The following DNAH5 variants were observed in gnomAD, a reference collection of about 807,000 sequenced individuals.
DNAH5 encodes the protein axonemal beta dynein heavy chain 5.
A neutral mutation model predicts 518.2 loss-of-function variants in DNAH5; 372 were observed. That is an observed-to-expected ratio of 0.72 (90% CI 0.66 to 0.78). DNAH5 has a LOEUF of 0.78. Among genes scored for constraint, DNAH5 ranks in the 30% least tolerant of loss-of-function variants. The pLI, the probability that DNAH5 is intolerant of heterozygous loss-of-function variation, is 0.00. For missense variants in DNAH5, 5,523 were observed against 5,687.0 expected (o/e 0.97, Z 0.93); for synonymous variants, 2,039 against 2,025.9 (o/e 1.01, Z -0.17).
intron 66 of DNAH5, 130 bp downstream of exon 66, chr5:13,737,122 G>C: frequency 6.8e-7 from 1 of 1,460,510 alleles, no homozygotes; most frequent in South Asian, 1.2e-5. Context: ...TTTCCCAACA[G>C]AAATTCCACA....
chr5:13,810,474 C>T (rs1367491206), intron 44 of DNAH5: 1 of 599,256 alleles, frequency 1.7e-6, no homozygotes, highest in Non-Finnish European at 3.0e-6. Context: ...GGCACGGTGG[C>T]TCATGCCTGT....
intron 7 of DNAH5, among the ~76,000 whole-genome samples, chr5:13,918,836 AAAAT>A (rs1428062507): frequency 7.9e-5 from 12 of 152,218 alleles, no homozygotes; most frequent in Admixed American, 7.9e-4. Context: ...CAAGGACTAA[AAAAT>A]AAATACAGAT....
At chr5:13,732,903 C>T (rs1448130958) in intron 68 of DNAH5, among the ~76,000 whole-genome samples, 3 of 152,150 alleles carry the variant, frequency 2.0e-5, no homozygotes, top group African/African-American at 2.4e-5. Flanking sequence ...TAGCTCTCAT[C>T]AACCTAACCA....
At chr5:13,834,570 G>A (rs537524202) in intron 35 of DNAH5, among the ~76,000 whole-genome samples, 5 of 152,268 alleles carry the variant, frequency 3.3e-5, no homozygotes, top group African/African-American at 7.2e-5. Context: ...TGAAGCCCAC[G>A]CACCAAGGAT....
At chr5:13,921,475 T>TCACACACACACACA (rs138046391) in intron 5 of DNAH5, among the ~76,000 whole-genome samples, 1 of 73,698 alleles carries the variant, frequency 1.4e-5, no homozygotes, top group Non-Finnish European at 2.9e-5. Flanking sequence ...TATCTCTCTC[T>TCACACACACACACA]CACACACACA....
intron 38 of DNAH5, among the ~76,000 whole-genome samples, chr5:13,828,700 A>G (rs1485459425): frequency 6.6e-6 from 1 of 152,240 alleles, no homozygotes; most frequent in African/African-American, 2.4e-5. Flanking sequence ...TAGGAACTAA[A>G]GGTGGCCTCC....
At chr5:13,984,901 C>A (rs1406053103) in intron 1 of DNAH5, among the ~76,000 whole-genome samples, 2 of 152,084 alleles carry the variant, frequency 1.3e-5, no homozygotes, top group Admixed American at 1.3e-4. Flanking sequence ...CTAGAAATAC[C>A]ATTTGACCCA....
rs1554035315 is a variant in DNAH5 at position 13,754,214 on chromosome 5, T to G, written c.10544A>C (p.Lys3515Thr). Residue 3515 changes from lysine to threonine, a missense_variant, in exon 62 of 79, where the codon AAA becomes ACA. Physicochemically the swap from Lys to Thr is moderately conservative, Grantham distance 78. Coordinates refer to ENST00000265104, the MANE Select transcript of DNAH5 (RefSeq NM_001369.3). The part of the protein sequence containing the change: ...EQSQEFAAQT[K>T]RLVGDVLLAT... ...AGAAATTTACATACCTACAAGTCTT[T>G]TAGTTTGTGCAGCAAACTCTTGGCT... 2 of 1,614,100 alleles carry G rather than the reference T, an allele frequency of 1.2e-6. No individual in the cohort carries two copies. Among genetic ancestry groups the G allele is most frequent in the Non-Finnish European group, 1.7e-6 (2 of 1,179,944 alleles).
chr5:13,736,349 C>T (rs949765612), intron 66 of DNAH5, among the ~76,000 whole-genome samples: 2 of 151,544 alleles, frequency 1.3e-5, no homozygotes, highest in Non-Finnish European at 2.9e-5. Flanking sequence ...CAAGCCATTG[C>T]AAAGATGATG....
intron 1 of DNAH5, among the ~76,000 whole-genome samples, chr5:13,960,257 G>A (rs1403156298): frequency 6.6e-6 from 1 of 152,204 alleles, no homozygotes; most frequent in Non-Finnish European, 1.5e-5. Context: ...AAACGAGGTG[G>A]ACCGTACTGT....
intron 55 of DNAH5, among the ~76,000 whole-genome samples, chr5:13,772,452 G>T (rs1423627972): frequency 1.3e-5 from 2 of 152,192 alleles, no homozygotes; most frequent in African/African-American, 4.8e-5. Flanking sequence ...TGCAGGAAAG[G>T]TTACAGAAAG....
At chr5:13,885,314 A>T (rs1580741549) in intron 18 of DNAH5, 86 bp from the exon 19 acceptor site, 1 of 1,467,462 alleles carries the variant, frequency 6.8e-7, no homozygotes, top group Non-Finnish European at 9.5e-7. Flanking sequence ...GATAGATAGA[A>T]TCATCTGTTG....
intron 73 of DNAH5, 129 bp downstream of exon 73, chr5:13,717,186 G>T: frequency 1.2e-6 from 1 of 846,542 alleles, no homozygotes; most frequent in Non-Finnish European, 1.9e-6. Context: ...AAATTGCTAT[G>T]ACTTAAAGAT....
At chr5:13,746,015 T>G (rs371886558) in intron 65 of DNAH5, among the ~76,000 whole-genome samples, 4 of 152,186 alleles carry the variant, frequency 2.6e-5, no homozygotes, top group Admixed American at 2.6e-4. Context: ...ACAATTAACA[T>G]AATTACTTCT....
chr5:13,931,361 G>A, intron 1 of DNAH5, 117 bp from the exon 2 acceptor site: 1 of 1,160,612 alleles, frequency 8.6e-7, no homozygotes, highest in Non-Finnish European at 1.2e-6. Context: ...ATAATAGACA[G>A]CTTAATGGTA....
intron 78 of DNAH5, among the ~76,000 whole-genome samples, chr5:13,695,025 GA>G (rs1741177323): frequency 6.6e-5 from 10 of 152,188 alleles, no homozygotes; most frequent in African/African-American, 2.4e-4. Flanking sequence ...AGTGATAACT[GA>G]GAATGAAACC....
chr5:13,931,176 T>G lies in DNAH5; in HGVS notation c.126A>C (p.Ala42=). 6.2e-7 allele frequency: 1 copy of G among 1,614,154 alleles called. No homozygotes were observed. The highest frequency in any genetic ancestry group is 8.5e-7 in the Non-Finnish European group (1 of 1,179,986). The change falls in exon 2 of 79, where the codon GCA becomes GCC. Residue 42 remains alanine, a synonymous_variant. Transcript: ENST00000265104. ...TCAGGTCCAAACAGGAAGCCACAAT[T>G]GCAAATAAGTAGTTATGCCTCGCAT... ...LLDARHNYLF[A]IVASCLDLNK...
chr5:13,776,281 AACAC>A (rs1754074407), intron 55 of DNAH5, among the ~76,000 whole-genome samples, 154 bp downstream of exon 55: 1 of 152,216 alleles, frequency 6.6e-6, no homozygotes, highest in South Asian at 2.1e-4. Flanking sequence ...ACTTAAAAAG[AACAC>A]AAATGCTGTC....
chr5:13,934,001 G>A (rs1407232145), intron 1 of DNAH5, among the ~76,000 whole-genome samples: 1 of 152,010 alleles, frequency 6.6e-6, no homozygotes, highest in Non-Finnish European at 1.5e-5. Flanking sequence ...CCACTAACCT[G>A]TCAAGAAATA....
Sources: gnomAD v4.1 joint callset for allele counts (sites outside exome capture counted in the v4.1 genomes callset) on GRCh38, gnomAD v4.1.1 for gene constraint, MANE v1.5 for transcripts, NCBI Gene and HGNC (gene_info 2026-07-23, HGNC 2026-07-21) for gene names.